CDH23: variants seen among roughly 807,000 people sequenced by gnomAD.
The protein encoded by CDH23 is cadherin-23.
In CDH23, 189 loss-of-function variants were observed where a neutral mutation model predicts 317.1. The observed-to-expected ratio is 0.60, with a 90% CI of 0.53 to 0.67. The LOEUF is 0.67. Ranked by LOEUF, CDH23 falls within the 30% of genes least tolerant of loss-of-function variation. The pLI is 0.00. For synonymous variants in CDH23, 1,839 were observed against 1,876.8 expected, an observed-to-expected ratio of 0.98 and a Z score of 0.52; for missense variants, 4,401 against 4,592.4, an observed-to-expected ratio of 0.96 and a Z score of 1.20.
chr10:71,687,884 T>C (rs1309905909), intron 19 of CDH23, among the ~76,000 whole-genome samples, 165 bp downstream of exon 19: 1 of 152,140 alleles, frequency 6.6e-6, no homozygotes, highest in Admixed American at 6.5e-5. Context: ...TTTGGAAACA[T>C]CTAGTTACCT....
At chr10:71,659,614 C>A (rs955779973) in intron 14 of CDH23, among the ~76,000 whole-genome samples, 1 of 152,206 alleles carries the variant, frequency 6.6e-6, no homozygotes, top group South Asian at 2.1e-4. Flanking sequence ...CTCACACGGA[C>A]ACTTATCTCC....
Position 71,762,280 on chromosome 10 carries a change from G to A in CDH23, c.4846-15400G>A, listed in dbSNP as rs575482110. On this transcript the variant is annotated intron_variant, in intron 38 of 69. Coordinates refer to ENST00000224721, the MANE Select transcript of CDH23 (RefSeq NM_022124.6). ...TGGACAGGGCAGGGAGAGACTTGGA[G>A]GGCAGTGATGCAGTCGGGTGTGTCC... Among the ~76,000 whole-genome samples, 33 of 152,350 alleles carry A rather than the reference G, an allele frequency of 2.2e-4. 1 individual carries two copies. The highest frequency in any genetic ancestry group is 3.4e-3 in the Middle Eastern group (1 of 294).
In CDH23 at chr10:71,682,491, G is replaced by T. The variant is rs751246988; in HGVS notation, c.1905G>T (p.Gly635=). The T allele has an allele frequency of 6.2e-7, 1 of 1,613,166 alleles. No individual in the cohort carries two copies. The highest frequency in any genetic ancestry group is 8.5e-7 in the Non-Finnish European group (1 of 1,179,556). ...RPLDYEQISN[G]LIYLTVMAMD... ...TGGATTATGAACAGATATCCAATGG[G>T]CTGATTTATCTGACGGTCATGGCCA... The change falls in exon 18 of 70, where the codon GGG becomes GGT. Residue 635 remains glycine, a synonymous_variant. Transcript: ENST00000224721.
intron 38 of CDH23, chr10:71,753,936 G>A (rs1189114111): frequency 6.6e-6 from 3 of 453,178 alleles, no homozygotes; most frequent in African/African-American, 2.0e-5. Flanking sequence ...CCACCCTTTG[G>A]GGTGAGGGTT....
rs144472269 is a variant in CDH23, at chr10:71,751,282, G to A, written c.4845+9361G>A. On this transcript the variant is annotated intron_variant, in intron 38 of 69. Coordinates refer to ENST00000224721, the MANE Select transcript of CDH23 (RefSeq NM_022124.6). This position sits in a 1 kb window ranked among gnomAD's most constrained non-coding sequence, Gnocchi z 4.9. Reference sequence around the variant, plus strand: ...ATGACCTCAAAGTTTGGAGAGTCAGGGACAGGGTCTGCAAGAAAAGGAGAA... The same window carrying A: ...ATGACCTCAAAGTTTGGAGAGTCAGAGACAGGGTCTGCAAGAAAAGGAGAA... 6.2e-7 allele frequency: 1 copy of A among 1,610,224 alleles called. No homozygotes were observed. The highest frequency in any genetic ancestry group is 8.5e-7 in the Non-Finnish European group (1 of 1,177,978).
At chr10:71,619,621 G>A (rs1048003867) in intron 11 of CDH23, among the ~76,000 whole-genome samples, 1 of 152,246 alleles carries the variant, frequency 6.6e-6, no homozygotes, top group Non-Finnish European at 1.5e-5. Flanking sequence ...GGGCTGAGAG[G>A]ATCAGGAGAG....
At chr10:71,791,584 T>C (rs1031287708) in intron 47 of CDH23, among the ~76,000 whole-genome samples, 13 of 151,922 alleles carry the variant, frequency 8.6e-5, no homozygotes, top group Admixed American at 2.0e-4. Context: ...CTTTTCTTTT[T>C]TTTTTTTTAA....
rs57652121 is a variant in CDH23, at chr10:71,530,034, GACACACACACACAC to G, written c.429+18845_429+18858del. Among the ~76,000 whole-genome samples, 759 of 140,918 alleles carry G rather than the reference GACACACACACACAC, an allele frequency of 5.4e-3. 6 individuals are homozygous for G. Among genetic ancestry groups the G allele is most frequent in the African/African-American group, 0.019 (723 of 37,552 alleles). 92.4% of individuals were successfully genotyped at this position (140,918 alleles called of 152,430 possible). On this transcript the variant is annotated intron_variant, in intron 6 of 69. Transcript: ENST00000224721. Reference sequence around the variant, plus strand: ...GCATTTGCACACATACACACATACAGACACACACACACACACACACACACACACACACACACTCT... The same window carrying G: ...GCATTTGCACACATACACACATACAGACACACACACACACACACACACTCT...
At chr10:71,434,519 G>C (rs1849534296) in intron 1 of CDH23, among the ~76,000 whole-genome samples, 1 of 152,136 alleles carries the variant, frequency 6.6e-6, no homozygotes, top group Non-Finnish European at 1.5e-5. Context: ...ACTTTGATTT[G>C]ACTTGGTGGG....
chr10:71,711,084 G>A lies in CDH23; in HGVS notation c.3221-1581G>A, dbSNP rs191232520. ...CCAACCATCAATCCCTTCCCAGCCC[G>A]CCCATGCCCAGATGCCTCTGCCCTC... On this transcript the variant is annotated intron_variant, in intron 27 of 69. Transcript: ENST00000224721. 7.0e-4 allele frequency among the ~76,000 whole-genome samples: 104 copies of A among 149,170 alleles called. No homozygotes were observed. In the Middle Eastern group the frequency reaches 0.014, roughly 20 times the overall value.
intron 3 of CDH23, among the ~76,000 whole-genome samples, chr10:71,462,079 C>T (rs1223842630): frequency 1.3e-5 from 2 of 152,212 alleles, no homozygotes; most frequent in Non-Finnish European, 2.9e-5. Flanking sequence ...TTTCGAGAGT[C>T]CCCTGCCTGA....
chr10:71,445,837 GA>G (rs1850132681), intron 2 of CDH23, among the ~76,000 whole-genome samples: 1 of 98,922 alleles, frequency 1.0e-5, no homozygotes, highest in Non-Finnish European at 1.8e-5. Context: ...GACAGAGTGA[GA>G]CTCTGTCTCA....
intron 3 of CDH23, among the ~76,000 whole-genome samples, chr10:71,460,648 C>T (rs970400825): frequency 2.0e-5 from 3 of 152,172 alleles, no homozygotes; most frequent in East Asian, 1.9e-4. Flanking sequence ...GTGAGCAGTC[C>T]GACAGGGCCC....
At chr10:71,455,768 A>G (rs7918636) in intron 3 of CDH23, among the ~76,000 whole-genome samples, 111,755 of 152,150 alleles carry the variant, frequency 0.73, 41,498 homozygotes, top group East Asian at 0.85. Context: ...CCACCTGTGC[A>G]TTCACTCCTA....
chr10:71,762,769 C>CT (rs1840427947), intron 38 of CDH23, among the ~76,000 whole-genome samples: 1 of 152,194 alleles, frequency 6.6e-6, no homozygotes, highest in African/African-American at 2.4e-5. Flanking sequence ...ATGGGAAAAC[C>CT]CAGTGTCTGA....
chr10:71,513,135 G>A (rs1044095651), intron 6 of CDH23, among the ~76,000 whole-genome samples: 6 of 152,222 alleles, frequency 3.9e-5, no homozygotes, highest in Admixed American at 6.5e-5. Flanking sequence ...ACCGTCCTTG[G>A]AGGAAGGCCC....
At chr10:71,479,741 C>A (rs950560625) in intron 3 of CDH23, among the ~76,000 whole-genome samples, 1 of 151,794 alleles carries the variant, frequency 6.6e-6, no homozygotes, top group Non-Finnish European at 1.5e-5. Flanking sequence ...GGAAACCAAG[C>A]TGGGGTGATG....
At chr10:71,565,237 G>A (rs1302867710) in intron 6 of CDH23, among the ~76,000 whole-genome samples, 1 of 152,098 alleles carries the variant, frequency 6.6e-6, no homozygotes, top group Non-Finnish European at 1.5e-5. Context: ...GGATGCTAAG[G>A]TACCCAGGGC....
In CDH23 at chr10:71,811,315, G is replaced by T. The variant is rs727504725; in HGVS notation, c.9078G>T (p.Arg3026=). The change falls in exon 63 of 70, where the codon CGG becomes CGT. Residue 3026 remains arginine, a splice_region_variant and synonymous_variant. Coordinates refer to ENST00000224721, the MANE Select transcript of CDH23 (RefSeq NM_022124.6). ...RDTNRILDVD[R]VIQMIDENKE... is the part of the protein sequence containing the mutation. ...GCTGAGACCCCTGCCCCTCGCCCAG[G>T]GTGATCCAGATGATCGATGAGAACA... The T allele has an allele frequency of 2.5e-6, 4 of 1,613,766 alleles. No individual in the cohort carries two copies. The highest frequency in any genetic ancestry group is 1.1e-5 in the South Asian group (1 of 91,070).
Sources: allele counts gnomAD v4.1 joint callset (sites outside exome capture counted in the v4.1 genomes callset), GRCh38; gene constraint gnomAD v4.1.1; non-coding constraint Gnocchi (gnomAD v3.1); transcripts MANE v1.5; gene names NCBI Gene and HGNC (gene_info 2026-07-23, HGNC 2026-07-21).